The following CSMD1 variants were observed in gnomAD, a reference collection of about 807,000 sequenced individuals.
CSMD1 encodes CUB and Sushi multiple domains 1, also known as CUB and sushi domain-containing protein 1.
Under a neutral mutation model 417.5 loss-of-function variants are expected in CSMD1, and 213 were observed. The observed-to-expected ratio is 0.51, with a 90% CI of 0.46 to 0.57. The LOEUF (loss-of-function observed/expected upper bound fraction) is 0.57. Ranked by LOEUF, CSMD1 falls within the 20% of genes least tolerant of loss-of-function variation. The pLI is 0.00. For missense variants in CSMD1, 6,923 were observed against 4,529.7 expected (o/e 1.53, Z -15.17); for synonymous variants, 2,862 against 1,736.8 (o/e 1.65, Z -16.11).
chr8:4,247,519 T>C (rs1182389540), intron 3 of CSMD1, among the ~76,000 whole-genome samples: 1 of 152,134 alleles, frequency 6.6e-6, no homozygotes, highest in Non-Finnish European at 1.5e-5. Flanking sequence ...GAAATTTACT[T>C]TTTCTTATTA....
At chr8:3,099,783 G>A (rs1349627911) in intron 46 of CSMD1, among the ~76,000 whole-genome samples, 2 of 152,020 alleles carry the variant, frequency 1.3e-5, no homozygotes, top group African/African-American at 2.4e-5. Context: ...TGCTGATTTT[G>A]TTTCTTAGGA....
intron 10 of CSMD1, among the ~76,000 whole-genome samples, chr8:3,507,397 T>C (rs1796873329): frequency 6.6e-6 from 1 of 152,354 alleles, no homozygotes; most frequent in South Asian, 2.1e-4. Context: ...CCTAATCCAG[T>C]CTATCATTGT....
intron 3 of CSMD1, among the ~76,000 whole-genome samples, chr8:4,083,837 A>T (rs1386795883): frequency 1.3e-5 from 2 of 152,232 alleles, no homozygotes; most frequent in African/African-American, 2.4e-5. Flanking sequence ...CAAAATTGAC[A>T]AATGGGATCT....
At chr8:3,860,334 G>C (rs1260493138) in intron 5 of CSMD1, among the ~76,000 whole-genome samples, 2 of 152,000 alleles carry the variant, frequency 1.3e-5, no homozygotes, top group Non-Finnish European at 1.5e-5. Flanking sequence ...AACACAGCCA[G>C]CAAGTATAGG....
At chr8:4,623,835 AC>A (rs1343297418) in intron 2 of CSMD1, among the ~76,000 whole-genome samples, 1 of 152,082 alleles carries the variant, frequency 6.6e-6, no homozygotes, top group Non-Finnish European at 1.5e-5. Flanking sequence ...TGTGCTGGCA[AC>A]AAAACTTAGA....
chr8:3,469,515 C>T lies in CSMD1; in HGVS notation c.1449-691G>A, dbSNP rs76860953. On this transcript the variant is annotated intron_variant, in intron 11 of 69. Coordinates refer to ENST00000635120, the MANE Select transcript of CSMD1 (RefSeq NM_033225.6). ...CATTAACAAAACAGTCACATAGGGG[C>T]TGCTGTCAGCCAGTGAAAAGAAACA... Among the ~76,000 whole-genome samples the T allele has an allele frequency of 2.0e-3, 304 of 152,268 alleles. 1 individual carries two copies. The Middle Eastern group carries it at 0.031, about 15-fold the overall frequency.
intron 3 of CSMD1, among the ~76,000 whole-genome samples, chr8:4,049,694 A>T (rs1038660171): frequency 1.3e-5 from 2 of 152,184 alleles, no homozygotes; most frequent in Non-Finnish European, 2.9e-5. Context: ...TGAATTCTTA[A>T]TAAATTTTCA....
At chr8:4,183,326 T>C (rs565998883) in intron 3 of CSMD1, among the ~76,000 whole-genome samples, 3 of 152,320 alleles carry the variant, frequency 2.0e-5, no homozygotes, top group Non-Finnish European at 4.4e-5. Flanking sequence ...TAAAATAATT[T>C]ATTCATGTCT....
At chr8:3,824,685 T>A (rs7834175) in intron 5 of CSMD1, among the ~76,000 whole-genome samples, 12,997 of 152,236 alleles carry the variant, frequency 0.085, 1,302 homozygotes, top group African/African-American at 0.24. Context: ...TGTATATTAA[T>A]ATTAATTTTA....
intron 1 of CSMD1, among the ~76,000 whole-genome samples, chr8:4,796,845 T>A (rs147048383): frequency 6.6e-6 from 1 of 152,152 alleles, no homozygotes; most frequent in East Asian, 1.9e-4. Context: ...TCTTGGACAA[T>A]TGCAAAGGTC....
chr8:3,632,823 A>G (rs921080051), intron 7 of CSMD1, among the ~76,000 whole-genome samples: 2 of 152,162 alleles, frequency 1.3e-5, no homozygotes, highest in Non-Finnish European at 1.5e-5. Flanking sequence ...ATCTGTGTCT[A>G]TTGGTTCCCC....
intron 18 of CSMD1, among the ~76,000 whole-genome samples, chr8:3,383,330 A>G (rs977255119): frequency 1.3e-5 from 2 of 152,218 alleles, no homozygotes; most frequent in African/African-American, 4.8e-5. Context: ...AGAGAACAAC[A>G]GAATGTCTTC....
chr8:4,202,119 A>G (rs1384413488), intron 3 of CSMD1, among the ~76,000 whole-genome samples: 2 of 151,804 alleles, frequency 1.3e-5, no homozygotes, highest in Non-Finnish European at 2.9e-5. Context: ...TTTTTTTTCT[A>G]GAGAAAACAT....
chr8:4,595,072 G>T (rs572199863), intron 2 of CSMD1, among the ~76,000 whole-genome samples: 48 of 152,212 alleles, frequency 3.2e-4, no homozygotes, highest in Non-Finnish European at 5.7e-4. Context: ...ACATAGGTGT[G>T]CCTTTTTTTA....
Position 4,590,106 on chromosome 8 carries a change from T to G in CSMD1, c.302+47236A>C, listed in dbSNP as rs550737141. On this transcript the variant is annotated intron_variant, in intron 2 of 69. Coordinates refer to ENST00000635120, the MANE Select transcript of CSMD1 (RefSeq NM_033225.6). Reference sequence around the variant, plus strand: ...TGAAATCTTCAAAGTTATATAGGTTTATTTAGAATAACATGCAATTTTATT... The same window carrying G: ...TGAAATCTTCAAAGTTATATAGGTTGATTTAGAATAACATGCAATTTTATT... 9.2e-5 allele frequency among the ~76,000 whole-genome samples: 14 copies of G among 152,358 alleles called. No individual in the cohort carries two copies. The East Asian group carries it at 2.7e-3, about 29-fold the overall frequency.
At position 3,367,153 on chromosome 8, in the gene CSMD1, C is replaced by G. The variant is rs1252925125; in HGVS notation, c.2994G>C (p.Arg998Ser). ...TATGAGGCAACACCGACCCGGTGAG[C>G]CTGGCAACGGGCTCGGAAAAACTTC... ...EDGSFSEPVA[R>S]LTGSVLPHTI... is the part of the protein sequence containing the mutation. The change falls in exon 20 of 70, where the codon AGG becomes AGC. Residue 998 changes from arginine (R) to serine (S), a missense_variant. Transcript: ENST00000635120. The G allele has an allele frequency of 6.2e-7, 1 of 1,613,614 alleles. No individual in the cohort carries two copies. The highest frequency in any genetic ancestry group is 1.7e-5 in the Admixed American group (1 of 59,972).
intron 1 of CSMD1, among the ~76,000 whole-genome samples, chr8:4,822,153 C>T (rs185165561): frequency 1.3e-5 from 2 of 152,056 alleles, no homozygotes. Context: ...TTATAAGCCT[C>T]TGAATTTACT....
intron 5 of CSMD1, among the ~76,000 whole-genome samples, chr8:3,796,145 T>C: frequency 1.4e-4 from 1 of 7,254 alleles, no homozygotes; most frequent in South Asian, 6.8e-3. Context: ...CTATCATAGA[T>C]ATAGATATAT....
At chr8:4,122,606 T>G (rs1802548410) in intron 3 of CSMD1, among the ~76,000 whole-genome samples, 1 of 152,184 alleles carries the variant, frequency 6.6e-6, no homozygotes, top group Non-Finnish European at 1.5e-5. Flanking sequence ...AGGGCTCTTC[T>G]GCAGAGATGG....
Sources: allele counts gnomAD v4.1 joint callset (sites outside exome capture counted in the v4.1 genomes callset), GRCh38; gene constraint gnomAD v4.1.1; transcripts MANE v1.5; gene names NCBI Gene and HGNC (gene_info 2026-07-23, HGNC 2026-07-21).